Variants in PAOX observed in about 807,000 individuals in gnomAD.
PAOX encodes the protein peroxisomal N(1)-acetyl-spermine/spermidine oxidase.
A neutral mutation model predicts 39.0 loss-of-function variants in PAOX; 38 were observed. The observed-to-expected ratio is 0.97, with a 90% CI of 0.75 to 1.28. PAOX has a LOEUF of 1.28. Ranked by LOEUF, PAOX falls within the 50% of genes most tolerant of loss-of-function variation. PAOX has a pLI of 0.00. For missense variants in PAOX, 667 were observed against 685.7 expected, an observed-to-expected ratio of 0.97 and a Z score of 0.30; for synonymous variants, 311 against 314.4, an observed-to-expected ratio of 0.99 and a Z score of 0.11.
At chr10:133,389,809 G>A in intron 6 of PAOX, 62 bp downstream of exon 6, 4 of 1,393,320 alleles carry the variant, frequency 2.9e-6, no homozygotes, top group Non-Finnish European at 3.7e-6. Flanking sequence ...GCCGAGTCTG[G>A]GCGCTGCAGG....
rs1459931230 is a variant in PAOX at position 133,389,759 on chromosome 10, G to A, written c.1392+12G>A. ...GCGCCGGCGCCCAGGTATGTGGCGT[G>A]CCCCAGTCGGGGGGCGTGGGTCCCG... is the stretch of plus-strand genomic sequence containing the variant. On this transcript the variant is annotated intron_variant, in intron 6 of 6. Transcript: ENST00000278060. 2.0e-6 allele frequency: 3 copies of A among 1,477,552 alleles called. No homozygotes were observed. Among genetic ancestry groups the A allele is most frequent in the Admixed American group, 2.3e-5 (1 of 42,682 alleles). 91.5% of individuals were successfully genotyped at this position (1,477,552 alleles called of 1,614,324 possible).
intron 3 of PAOX, among the ~76,000 whole-genome samples, chr10:133,382,197 T>G (rs558108779): frequency 6.6e-6 from 1 of 152,318 alleles, no homozygotes; most frequent in South Asian, 2.1e-4. Context: ...GCCTGAGTTA[T>G]CTCATTGACT....
Position 133,380,036 on chromosome 10 carries a change from G to T in PAOX, c.219G>T (p.Gly73=). ...AGGTGGGCGCGCACTGGATCCATGG[G>T]CCCTCCCGGGGTAACCCCGTCTTCC... ...VVEVGAHWIH[G]PSRGNPVFQL... is the part of the protein sequence containing the mutation. The change falls in exon 2 of 7, where the codon GGG becomes GGT. Residue 73 remains glycine, a synonymous_variant. Coordinates refer to ENST00000278060, the MANE Select transcript of PAOX (RefSeq NM_152911.4). 1 of 1,519,912 alleles carries T rather than the reference G, an allele frequency of 6.6e-7. No individual in the cohort carries two copies. Among genetic ancestry groups the T allele is most frequent in the African/African-American group, 1.4e-5 (1 of 72,024 alleles). The allele number at this position is 1,519,912 out of a possible 1,614,324, so 94.2% of individuals were successfully genotyped here.
In PAOX at chr10:133,389,063, T is replaced by C. The variant is rs376848096; in HGVS notation, c.1229T>C (p.Val410Ala). Residue 410 changes from valine (V) to alanine (A), a missense_variant, in exon 5 of 7, where the codon GTG (valine) becomes GCG (alanine). Coordinates refer to ENST00000278060, the MANE Select transcript of PAOX (RefSeq NM_152911.4). ...TGTCTCACCCAAGTGCTCCGGAGAG[T>C]GACAGGTAGGTACTCACCACACACG... is the stretch of plus-strand genomic sequence containing the variant. ...LLCLTQVLRR[V>A]TGNPRLPAPK... 2 of 1,611,138 alleles carry C rather than the reference T, an allele frequency of 1.2e-6. No individual in the cohort carries two copies. Among genetic ancestry groups the C allele is most frequent in the East Asian group, 2.2e-5 (1 of 44,856 alleles).
rs1035623200 is a variant in PAOX, at chr10:133,384,925, C to T, written c.1121+713C>T. On this transcript the variant is annotated intron_variant, in intron 4 of 6. Coordinates refer to ENST00000278060, the MANE Select transcript of PAOX (RefSeq NM_152911.4). This position sits in a 1 kb window ranked among gnomAD's most constrained non-coding sequence, Gnocchi z 4.3. ...GTTCATAGTTGCCATCCACTGGGAGCAGGAGGCTGCAGGCTGCAGACCAGC... is the reference window on the plus strand; with the variant it reads ...GTTCATAGTTGCCATCCACTGGGAGTAGGAGGCTGCAGGCTGCAGACCAGC... 6.6e-6 allele frequency among the ~76,000 whole-genome samples: 1 copy of T among 152,190 alleles called. No individual in the cohort carries two copies. Among genetic ancestry groups the T allele is most frequent in the Non-Finnish European group, 1.5e-5 (1 of 68,028 alleles).
chr10:133,389,555 G>A (rs375729959), intron 5 of PAOX, 35 bp from the exon 6 acceptor site: 1 of 1,613,388 alleles, frequency 6.2e-7, no homozygotes, highest in African/African-American at 1.3e-5. Context: ...GTGGGTGAGA[G>A]TTCTCGGTTA....
intron 4 of PAOX, 36 bp from the exon 5 acceptor site, chr10:133,388,920 G>C: frequency 1.8e-6 from 2 of 1,142,612 alleles, no homozygotes; most frequent in Non-Finnish European, 1.3e-6. Context: ...TCTCCATGCA[G>C]GTCTGGTCAT....
intron 6 of PAOX, 43 bp from the exon 7 acceptor site, chr10:133,391,269 G>C (rs754253069): frequency 2.5e-5 from 40 of 1,588,152 alleles, no homozygotes; most frequent in Non-Finnish European, 3.2e-5. Flanking sequence ...AGACCCTGCT[G>C]TCTGAATTGC....
chr10:133,381,412 C>T (rs377766431), intron 2 of PAOX, 48 bp from the exon 3 acceptor site: 1 of 1,570,006 alleles, frequency 6.4e-7, no homozygotes, highest in Non-Finnish European at 8.8e-7. Flanking sequence ...CCAGTCCTGC[C>T]CTTCCAGGGA....
intron 1 of PAOX, 139 bp from the exon 2 acceptor site, chr10:133,379,860 C>A: frequency 8.5e-7 from 1 of 1,181,484 alleles, no homozygotes; most frequent in Non-Finnish European, 1.2e-6. Flanking sequence ...GGGCCCTGCC[C>A]TGGGGGACCA....
rs529973406 is a variant in PAOX at position 133,380,707 on chromosome 10, C to T, written c.668+222C>T. Among the ~76,000 whole-genome samples the T allele has an allele frequency of 7.0e-4, 106 of 152,324 alleles. 1 individual carries two copies. In the South Asian group the frequency reaches 0.02, roughly 29 times the overall value. ...AAAGAAGGAAAGGTAAGGCTGAGTG[C>T]GGTGGCTCACGCCTGTAATCCCAGC... is the stretch of plus-strand genomic sequence containing the variant. On this transcript the variant is annotated intron_variant, in intron 2 of 6. Coordinates refer to ENST00000278060, the MANE Select transcript of PAOX (RefSeq NM_152911.4).
At chr10:133,391,202 G>A in intron 6 of PAOX, 110 bp from the exon 7 acceptor site, 1 of 1,104,344 alleles carries the variant, frequency 9.1e-7, no homozygotes, top group Non-Finnish European at 1.4e-6. Flanking sequence ...AGGTGTGTGA[G>A]CTGTTTTCCT....
intron 4 of PAOX, among the ~76,000 whole-genome samples, chr10:133,387,695 T>A (rs1188298042): frequency 1.3e-5 from 2 of 152,222 alleles, no homozygotes; most frequent in African/African-American, 4.8e-5. Flanking sequence ...GCAGGAGTGT[T>A]CTATGCGGAT....
chr10:133,387,421 G>A (rs1849556994), intron 4 of PAOX, among the ~76,000 whole-genome samples: 1 of 152,210 alleles, frequency 6.6e-6, no homozygotes, highest in African/African-American at 2.4e-5. Flanking sequence ...TTATGCTGTT[G>A]GTGGCAGAAA....
chr10:133,379,897 A>C (rs1849305295), intron 1 of PAOX, 102 bp from the exon 2 acceptor site: 7 of 1,442,564 alleles, frequency 4.9e-6, no homozygotes, highest in African/African-American at 2.8e-5. Context: ...AGTGTGGTAC[A>C]TCCTCCTTGG....
In PAOX at chr10:133,385,014, G is replaced by A. The variant is rs978947728; in HGVS notation, c.1121+802G>A. Among the ~76,000 whole-genome samples the A allele has an allele frequency of 4.6e-5, 7 of 152,180 alleles. No individual in the cohort carries two copies. The East Asian group carries it at 1.3e-3, about 29-fold the overall frequency. On this transcript the variant is annotated intron_variant, in intron 4 of 6. Coordinates refer to ENST00000278060, the MANE Select transcript of PAOX (RefSeq NM_152911.4). ...ACACTGAAGAGAAAACTGGCATTTC[G>A]GCCAGGCGCGGTGGCTCATGTCTGT...
chr10:133,384,384 C>T lies in PAOX; in HGVS notation c.1121+172C>T, dbSNP rs961749667. Among the ~76,000 whole-genome samples the T allele has an allele frequency of 2.6e-5, 4 of 152,284 alleles. No homozygotes were observed. The East Asian group carries it at 5.8e-4, about 22-fold the overall frequency. Reference sequence around the variant, plus strand: ...TGGCTGCACCTGGGCCTGACCCCTGCGGGGACAGATGGCGCCCTGCTGTAT... The same window carrying T: ...TGGCTGCACCTGGGCCTGACCCCTGTGGGGACAGATGGCGCCCTGCTGTAT... On this transcript the variant is annotated intron_variant, in intron 4 of 6. Transcript: ENST00000278060. The surrounding 1 kb of genome is among the most constrained non-coding windows in gnomAD (Gnocchi z 4.3).
intron 4 of PAOX, among the ~76,000 whole-genome samples, chr10:133,386,971 A>G (rs182344207): frequency 2.2e-4 from 33 of 152,322 alleles, no homozygotes; most frequent in Admixed American, 2.0e-3. Flanking sequence ...TTATCTATCC[A>G]TGGCTTTAGT....
At chr10:133,383,916 G>C (rs1849464202) in intron 3 of PAOX, 44 bp from the exon 4 acceptor site, 12 of 1,578,666 alleles carry the variant, frequency 7.6e-6, no homozygotes, top group Non-Finnish European at 1.0e-5. Context: ...GACTTCCGTG[G>C]AGGGCTTTAT....
Sources: gnomAD v4.1 joint callset for allele counts (sites outside exome capture counted in the v4.1 genomes callset) on GRCh38, gnomAD v4.1.1 for gene constraint, Gnocchi (gnomAD v3.1) non-coding constraint, MANE v1.5 for transcripts, NCBI Gene and HGNC (gene_info 2026-07-23, HGNC 2026-07-21) for gene names.